Variants in LRFN2 observed in about 807,000 individuals in gnomAD.
LRFN2 encodes the protein leucine-rich repeat and fibronectin type-III domain-containing protein 2.
A neutral mutation model predicts 37.3 loss-of-function variants in LRFN2; 18 were observed. The observed-to-expected ratio is 0.48, with a 90% CI of 0.33 to 0.72. LRFN2 has a LOEUF of 0.72. Among genes scored for constraint, LRFN2 ranks in the 30% least tolerant of loss-of-function variants. LRFN2 has a pLI of 0.02. For missense variants in LRFN2, 1,006 were observed against 1,060.7 expected, an observed-to-expected ratio of 0.95 and a Z score of 0.72; for synonymous variants, 556 against 466.6, an observed-to-expected ratio of 1.19 and a Z score of -2.47.
At chr6:40,395,521 C>T (rs887009986) in intron 2 of LRFN2, among the ~76,000 whole-genome samples, 1 of 152,200 alleles carries the variant, frequency 6.6e-6, no homozygotes, top group Admixed American at 6.5e-5. Context: ...GTGGCCAATG[C>T]TGCAGGGGAC....
At chr6:40,453,919 C>T (rs1014767129) in intron 1 of LRFN2, among the ~76,000 whole-genome samples, 8 of 152,140 alleles carry the variant, frequency 5.3e-5, no homozygotes, top group African/African-American at 1.9e-4. Context: ...CACCAGCTAG[C>T]CTCTCCCTGT....
chr6:40,581,080 C>A (rs115648042), intron 1 of LRFN2, among the ~76,000 whole-genome samples: 5 of 152,006 alleles, frequency 3.3e-5, no homozygotes, highest in African/African-American at 1.2e-4. Flanking sequence ...CTCATTCAGA[C>A]GGCAGCCCTG....
At chr6:40,486,371 G>A (rs997843977) in intron 1 of LRFN2, among the ~76,000 whole-genome samples, 7 of 152,210 alleles carry the variant, frequency 4.6e-5, no homozygotes, top group Admixed American at 6.5e-5. Context: ...TCCTGACTGT[G>A]CAATAAGAGC....
At chr6:40,475,984 A>C (rs182071531) in intron 1 of LRFN2, among the ~76,000 whole-genome samples, 9 of 152,336 alleles carry the variant, frequency 5.9e-5, no homozygotes, top group Admixed American at 3.3e-4. Flanking sequence ...CCTCCTTAAA[A>C]TATATATTAA....
At chr6:40,584,643 C>T (rs1290973415) in intron 1 of LRFN2, among the ~76,000 whole-genome samples, 1 of 152,108 alleles carries the variant, frequency 6.6e-6, no homozygotes, top group African/African-American at 2.4e-5. Flanking sequence ...AGGGGAGTTT[C>T]TGAAAACAAT....
chr6:40,527,244 C>A (rs1766271081), intron 1 of LRFN2, among the ~76,000 whole-genome samples: 1 of 152,202 alleles, frequency 6.6e-6, no homozygotes, highest in Admixed American at 6.5e-5. Context: ...GCCTCCTCTT[C>A]CAGGGCCTTC....
At chr6:40,516,121 A>G (rs530770530) in intron 1 of LRFN2, among the ~76,000 whole-genome samples, 1 of 151,908 alleles carries the variant, frequency 6.6e-6, no homozygotes, top group Non-Finnish European at 1.5e-5. Context: ...CCAGCTCCCA[A>G]ATAAATTACT....
At chr6:40,453,747 A>C (rs1344431165) in intron 1 of LRFN2, among the ~76,000 whole-genome samples, 1 of 152,060 alleles carries the variant, frequency 6.6e-6, no homozygotes, top group African/African-American at 2.4e-5. Flanking sequence ...AGGGTTTTTA[A>C]TTTGCTGAGG....
intron 1 of LRFN2, among the ~76,000 whole-genome samples, chr6:40,460,136 G>C (rs1358756126): frequency 6.6e-6 from 1 of 152,202 alleles, no homozygotes; most frequent in East Asian, 1.9e-4. Flanking sequence ...CTCTTGTGGA[G>C]TCTCCTCACA....
chr6:40,398,170 G>A (rs1042842673), intron 2 of LRFN2, among the ~76,000 whole-genome samples: 4 of 151,680 alleles, frequency 2.6e-5, no homozygotes, highest in South Asian at 2.1e-4. Flanking sequence ...CCTCTGCATC[G>A]TAGGAGGACA....
chr6:40,523,374 G>A (rs1039122070), intron 1 of LRFN2, among the ~76,000 whole-genome samples: 1 of 152,008 alleles, frequency 6.6e-6, no homozygotes. Flanking sequence ...CCCCACCCAC[G>A]CCCCACCATG....
chr6:40,482,450 G>A (rs573843474), intron 1 of LRFN2, among the ~76,000 whole-genome samples: 1 of 152,186 alleles, frequency 6.6e-6, no homozygotes, highest in African/African-American at 2.4e-5. Flanking sequence ...CCCCTTGGGG[G>A]AATCCTGTCC....
chr6:40,512,444 A>G (rs1334798654), intron 1 of LRFN2, among the ~76,000 whole-genome samples: 1 of 152,240 alleles, frequency 6.6e-6, no homozygotes, highest in Non-Finnish European at 1.5e-5. Context: ...TCTTCTAATC[A>G]AAGGCATCTT....
intron 1 of LRFN2, among the ~76,000 whole-genome samples, chr6:40,528,126 G>A (rs1310423590): frequency 6.6e-6 from 1 of 152,184 alleles, no homozygotes; most frequent in Non-Finnish European, 1.5e-5. Context: ...AACACCTACA[G>A]CATATCCTAG....
At chr6:40,506,027 T>G (rs1012080527) in intron 1 of LRFN2, among the ~76,000 whole-genome samples, 2 of 152,186 alleles carry the variant, frequency 1.3e-5, no homozygotes, top group Admixed American at 1.3e-4. Flanking sequence ...CTGAGGGCCC[T>G]CCAGTGAGGG....
chr6:40,567,133 T>A (rs1767104941), intron 1 of LRFN2, among the ~76,000 whole-genome samples: 1 of 152,162 alleles, frequency 6.6e-6, no homozygotes, highest in South Asian at 2.1e-4. Context: ...TCCCTGGGAT[T>A]GACAGGATCC....
At chr6:40,517,054 C>T (rs1214501956) in intron 1 of LRFN2, among the ~76,000 whole-genome samples, 2 of 152,138 alleles carry the variant, frequency 1.3e-5, no homozygotes, top group Non-Finnish European at 2.9e-5. Flanking sequence ...TAGAAATCAG[C>T]ACTTGCTGGA....
chr6:40,534,765 G>C (rs1313155771), intron 1 of LRFN2, among the ~76,000 whole-genome samples: 4 of 152,120 alleles, frequency 2.6e-5, no homozygotes, highest in Non-Finnish European at 5.9e-5. Context: ...CAGTCTTTGG[G>C]CAAGGTGACC....
chr6:40,530,112 CAG>C (rs1207249404), intron 1 of LRFN2, among the ~76,000 whole-genome samples: 1 of 152,192 alleles, frequency 6.6e-6, no homozygotes, highest in African/African-American at 2.4e-5. Flanking sequence ...GAAGCAGAGA[CAG>C]ACGCCCTCTC....
Sources: gnomAD v4.1 joint callset for allele counts (sites outside exome capture counted in the v4.1 genomes callset) on GRCh38, gnomAD v4.1.1 for gene constraint, MANE v1.5 for transcripts, NCBI Gene and HGNC (gene_info 2026-07-23, HGNC 2026-07-21) for gene names.